The following HTT variants were observed in gnomAD, a reference collection of about 807,000 sequenced individuals.
HTT encodes huntington disease protein.
A neutral mutation model predicts 362.3 loss-of-function variants in HTT; 104 were observed. The observed-to-expected ratio is 0.29, with a 90% CI of 0.24 to 0.34. The LOEUF (loss-of-function observed/expected upper bound fraction) is 0.34. HTT is among the 10% of genes least tolerant of loss of function. The probability of loss-of-function intolerance (pLI) is 1.00; values close to 1 mark genes in which losing one functional copy is unlikely to be tolerated. For missense variants in HTT, 3,301 were observed against 3,928.6 expected, an observed-to-expected ratio of 0.84 and a Z score of 4.27; for synonymous variants, 1,577 against 1,548.7, an observed-to-expected ratio of 1.02 and a Z score of -0.43.
At chr4:3,118,357 G>A (rs938403940) in intron 8 of HTT, among the ~76,000 whole-genome samples, 2 of 152,182 alleles carry the variant, frequency 1.3e-5, no homozygotes, top group African/African-American at 4.8e-5. Flanking sequence ...GATGGGAAAA[G>A]CAAATAATTA....
At chr4:3,217,016 C>G (rs1014288523) in intron 51 of HTT, among the ~76,000 whole-genome samples, 1 of 150,354 alleles carries the variant, frequency 6.7e-6, no homozygotes, top group South Asian at 2.1e-4. Flanking sequence ...CAGAGCAAGA[C>G]TCCGTCTCAA....
intron 29 of HTT, among the ~76,000 whole-genome samples, chr4:3,169,457 T>G (rs1717869005): frequency 1.3e-5 from 2 of 152,226 alleles, no homozygotes; most frequent in Admixed American, 6.5e-5. Context: ...TTTGATTGTT[T>G]TATGTGTTTT....
At chr4:3,079,556 G>T (rs1712777923) in intron 1 of HTT, among the ~76,000 whole-genome samples, 1 of 152,168 alleles carries the variant, frequency 6.6e-6, no homozygotes, top group Admixed American at 6.5e-5. Context: ...TGTCATTTTA[G>T]TTGGGTGAAT....
chr4:3,098,737 TG>T (rs1713994757), intron 2 of HTT, among the ~76,000 whole-genome samples: 2 of 152,228 alleles, frequency 1.3e-5, no homozygotes, highest in Non-Finnish European at 2.9e-5. Flanking sequence ...GGGTGAAATA[TG>T]GTTATACTTT....
In HTT at chr4:3,121,300, C is replaced by G. The variant is rs1367790225; in HGVS notation, c.1141C>G (p.Gln381Glu). The G allele has an allele frequency of 6.2e-7, 1 of 1,614,020 alleles. No individual in the cohort carries two copies. Among genetic ancestry groups the G allele is most frequent in the East Asian group, 2.2e-5 (1 of 44,890 alleles). The change falls in exon 9 of 67, where the codon CAG becomes GAG. Residue 381 changes from glutamine to glutamate, a missense_variant. Gln to Glu is a conservative substitution (Grantham distance 29). This residue lies in a region of HTT where 2,316 missense variants were observed against 2,658.5 expected (regional missense o/e 0.87). Transcript: ENST00000355072. ...NVVTGALELL[Q>E]QLFRTPPPEL... ...TGTGACCGGAGCCCTGGAGCTGTTG[C>G]AGCAGCTCTTCAGAACGCCTCCACC...
In HTT at chr4:3,173,142, T is replaced by G. The variant is rs768448293; in HGVS notation, c.4166+11T>G. On this transcript the variant is annotated intron_variant, in intron 31 of 66. Coordinates refer to ENST00000355072, the MANE Select transcript of HTT (RefSeq NM_001388492.1). ...GAACGACACCTCGGGGTAACAGTTG[T>G]GGCAAGAATGCTGTCGTTGGTGGAA... 1.7e-5 allele frequency: 27 copies of G among 1,606,052 alleles called. No homozygotes were observed. In the Admixed American group the frequency reaches 4.5e-4, roughly 27 times the overall value.
chr4:3,122,132 C>T (rs758099664), intron 9 of HTT, among the ~76,000 whole-genome samples: 77 of 152,338 alleles, frequency 5.1e-4, no homozygotes, highest in South Asian at 1.0e-3. Context: ...CCCAGCTCTG[C>T]GTCTGCCTCC....
chr4:3,220,917 A>G (rs1459705242), intron 53 of HTT, among the ~76,000 whole-genome samples: 1 of 152,244 alleles, frequency 6.6e-6, no homozygotes, highest in Non-Finnish European at 1.5e-5. Context: ...TCTATTTCAT[A>G]GAATTGTTGC....
At chr4:3,108,121 T>A (rs1714531210) in intron 6 of HTT, among the ~76,000 whole-genome samples, 1 of 152,194 alleles carries the variant, frequency 6.6e-6, no homozygotes. Context: ...AAATAAGCCT[T>A]AATGGGACCC....
At position 3,217,965 on chromosome 4, in the gene HTT, G is replaced by A. The variant is rs1295291205; in HGVS notation, c.7242+13G>A. The A allele has an allele frequency of 6.9e-6, 11 of 1,592,680 alleles. No homozygotes were observed. Among genetic ancestry groups the A allele is most frequent in the Admixed American group, 1.7e-5 (1 of 59,082 alleles). Reference sequence around the variant, plus strand: ...TGTGCCCCCACTGGTGAGTCTGCTCGTTCCTTGCAGAAGACCAAGTACGGT... The same window carrying A: ...TGTGCCCCCACTGGTGAGTCTGCTCATTCCTTGCAGAAGACCAAGTACGGT... On this transcript the variant is annotated intron_variant, in intron 52 of 66. Coordinates refer to ENST00000355072, the MANE Select transcript of HTT (RefSeq NM_001388492.1).
intron 49 of HTT, 165 bp downstream of exon 49, chr4:3,212,874 C>T (rs1184790679): frequency 2.8e-6 from 2 of 721,996 alleles, no homozygotes; most frequent in African/African-American, 3.5e-5. Context: ...TTATTGTAGC[C>T]ATCCTTCACC....
Position 3,109,488 on chromosome 4 carries a change from G to C in HTT, c.747+2065G>C, listed in dbSNP as rs867743441. 1.9e-4 allele frequency among the ~76,000 whole-genome samples: 29 copies of C among 152,078 alleles called. 1 individual carries two copies. The highest frequency in any genetic ancestry group is 1.4e-3 in the Admixed American group (21 of 15,272). The stretch of plus-strand genomic sequence containing the variant: ...GATCCTCCCACCTCAGCCTCCCAAA[G>C]TGCTGGGATTACAGGCGTGAGCCAC... On this transcript the variant is annotated intron_variant, in intron 6 of 66. Coordinates refer to ENST00000355072, the MANE Select transcript of HTT (RefSeq NM_001388492.1).
intron 60 of HTT, among the ~76,000 whole-genome samples, chr4:3,231,034 C>T (rs1009920240): frequency 1.3e-5 from 2 of 152,220 alleles, no homozygotes; most frequent in African/African-American, 4.8e-5. Context: ...GCCAAGTATC[C>T]ATCACCTGCA....
intron 6 of HTT, among the ~76,000 whole-genome samples, chr4:3,109,643 A>G (rs1474668464): frequency 6.6e-6 from 1 of 152,110 alleles, no homozygotes; most frequent in African/African-American, 2.4e-5. Context: ...TGCCTAAGTA[A>G]ATAGTCATGG....
At chr4:3,098,855 G>T (rs1714000896) in intron 2 of HTT, among the ~76,000 whole-genome samples, 1 of 152,156 alleles carries the variant, frequency 6.6e-6, no homozygotes, top group Non-Finnish European at 1.5e-5. Flanking sequence ...TAAACTTTTG[G>T]TAGAAAGCAG....
chr4:3,077,115 C>A (rs1370799604), intron 1 of HTT, among the ~76,000 whole-genome samples: 2 of 152,022 alleles, frequency 1.3e-5, no homozygotes, highest in Non-Finnish European at 2.9e-5. Flanking sequence ...GAGGCAGAGT[C>A]TGCAGTGAGT....
intron 38 of HTT, 22 bp downstream of exon 38, chr4:3,186,741 G>T: frequency 6.2e-7 from 1 of 1,607,718 alleles, no homozygotes; most frequent in South Asian, 1.1e-5. Context: ...GCCTGGCTCA[G>T]CAGATGAATC....
Position 3,115,457 on chromosome 4 carries a change from G to T in HTT, c.889+12G>T, listed in dbSNP as rs776162070. On this transcript the variant is annotated intron_variant, in intron 7 of 66. Transcript: ENST00000355072. ...AAATGTGCTCTTAGGTAAGGTGGAG[G>T]CATATGAGTGGAAGAGTCTCCAGCA... The T allele has an allele frequency of 6.2e-7, 1 of 1,601,530 alleles. No homozygotes were observed. Among genetic ancestry groups the T allele is most frequent in the South Asian group, 1.1e-5 (1 of 90,678 alleles).
At chr4:3,115,968 T>A in intron 7 of HTT, 117 bp from the exon 8 acceptor site, 1 of 946,522 alleles carries the variant, frequency 1.1e-6, no homozygotes, top group Non-Finnish European at 1.7e-6. Flanking sequence ...GCGTACTCGT[T>A]CATGATCATG....
Sources: allele counts gnomAD v4.1 joint callset (sites outside exome capture counted in the v4.1 genomes callset), GRCh38; gene constraint gnomAD v4.1.1; regional missense constraint gnomAD v4.1.1; transcripts MANE v1.5; gene names NCBI Gene and HGNC (gene_info 2026-07-23, HGNC 2026-07-21).